Variants in VRK2 observed in about 807,000 individuals in gnomAD.
VRK2 encodes VRK serine/threonine kinase 2.
VRK2 carries 60 observed loss-of-function variants against 57.6 expected under a neutral mutation model. The ratio of observed to expected loss-of-function variants is 1.04; its 90% CI spans 0.85 to 1.29. VRK2 has a LOEUF of 1.29. Ranked by LOEUF, VRK2 falls within the 50% of genes most tolerant of loss-of-function variation. VRK2 has a pLI of 0.00. For synonymous variants in VRK2, 231 were observed against 199.2 expected (o/e 1.16, Z -1.35); for missense variants, 705 against 588.1 (o/e 1.20, Z -2.06).
intron 2 of VRK2, among the ~76,000 whole-genome samples, chr2:58,066,627 G>A (rs1416261384): frequency 1.3e-5 from 2 of 152,124 alleles, no homozygotes; most frequent in East Asian, 1.9e-4. Context: ...TTTTCTGGAA[G>A]TGAGTGTGTA....
At chr2:57,980,726 A>G (rs1441991666) in intron 1 of VRK2, among the ~76,000 whole-genome samples, 1 of 152,230 alleles carries the variant, frequency 6.6e-6, no homozygotes, top group Non-Finnish European at 1.5e-5. Context: ...TGTTGGGTGC[A>G]TATACATTTA....
At chr2:58,030,384 G>C (rs1199289796) in intron 2 of VRK2, among the ~76,000 whole-genome samples, 1 of 151,706 alleles carries the variant, frequency 6.6e-6, no homozygotes, top group Non-Finnish European at 1.5e-5. Context: ...CATAGTTTGG[G>C]GTTTTACATG....
intron 7 of VRK2, among the ~76,000 whole-genome samples, chr2:58,110,719 G>C (rs1214099009): frequency 2.6e-5 from 4 of 152,176 alleles, no homozygotes; most frequent in South Asian, 2.1e-4. Flanking sequence ...AACAGGGAAG[G>C]CTTCCAGAGC....
intron 1 of VRK2, among the ~76,000 whole-genome samples, chr2:57,918,819 T>C (rs547195523): frequency 2.2e-4 from 33 of 152,258 alleles, no homozygotes; most frequent in African/African-American, 3.1e-4. Context: ...GTGTGCTCAA[T>C]TGAAATTCCA....
At chr2:57,949,302 T>C (rs948819525) in intron 1 of VRK2, among the ~76,000 whole-genome samples, 4 of 152,218 alleles carry the variant, frequency 2.6e-5, no homozygotes, top group Non-Finnish European at 2.9e-5. Flanking sequence ...TTTTTATGAA[T>C]TGAAGCTTTG....
At chr2:57,988,765 T>C (rs1002088288) in intron 1 of VRK2, among the ~76,000 whole-genome samples, 1 of 152,200 alleles carries the variant, frequency 6.6e-6, no homozygotes, top group Admixed American at 6.5e-5. Context: ...AGATTTGAAC[T>C]GAATTACCCC....
At chr2:57,990,310 ACAGTT>A in intron 1 of VRK2, among the ~76,000 whole-genome samples, 1 of 152,326 alleles carries the variant, frequency 6.6e-6, no homozygotes, top group South Asian at 2.1e-4. Context: ...TCTCCTTGAC[ACAGTT>A]CAGTCTTTAT....
chr2:58,010,592 G>C (rs532115423), intron 1 of VRK2, among the ~76,000 whole-genome samples: 7 of 152,184 alleles, frequency 4.6e-5, no homozygotes, highest in Admixed American at 4.6e-4. Context: ...TGGAATATAG[G>C]TCTCCATTGG....
chr2:57,957,601 GATATATATACTATATTATATATATTTCT>G (rs1399090437), intron 1 of VRK2, among the ~76,000 whole-genome samples: 1 of 146,128 alleles, frequency 6.8e-6, no homozygotes, highest in Non-Finnish European at 1.5e-5. Context: ...ACTATATGTA[GATATATATACTATATTATATATATTTCT>G]ATATATATAT....
At chr2:58,044,026 C>T (rs1674572514), upstream of VRK2, among the ~76,000 whole-genome samples, 1 of 152,150 alleles carries the variant, frequency 6.6e-6, no homozygotes, top group African/African-American at 2.4e-5. Context: ...TAGGTTTTCT[C>T]TAAAAAGTTT....
At chr2:58,148,354 A>G (rs777132717) in intron 12 of VRK2, among the ~76,000 whole-genome samples, 2 of 151,816 alleles carry the variant, frequency 1.3e-5, no homozygotes, top group South Asian at 2.1e-4. Context: ...CGAGTGTTCT[A>G]ATTTTTATTT....
chr2:58,081,926 A>G (rs1002119029), intron 2 of VRK2, among the ~76,000 whole-genome samples: 2 of 148,726 alleles, frequency 1.3e-5, no homozygotes, highest in African/African-American at 4.9e-5. Flanking sequence ...ACTAGCTATA[A>G]TGGGGCTTGG....
At position 58,146,381 on chromosome 2, in the gene VRK2, A is replaced by G. The variant is rs766309498; in HGVS notation, c.1089A>G (p.Lys363=). Residue 363 remains lysine (K), a synonymous_variant, in exon 12 of 13, where the codon AAA becomes AAG. Transcript: ENST00000340157. ...CACACAATAGGTTAATCGAAAAAAA[A>G]GTCCACAGTGAGAGAAGCGCTGAGT... ...NKAHNRLIEK[K]VHSERSAESC... 51 of 1,611,686 alleles carry G rather than the reference A, an allele frequency of 3.2e-5. No individual in the cohort carries two copies. The Admixed American group carries it at 5.5e-4, about 17-fold the overall frequency.
At chr2:58,088,023 G>C (rs763765368) in intron 5 of VRK2, among the ~76,000 whole-genome samples, 1 of 152,058 alleles carries the variant, frequency 6.6e-6, no homozygotes, top group African/African-American at 2.4e-5. Context: ...TTTGTTCAAG[G>C]CCATATGGCA....
intron 1 of VRK2, among the ~76,000 whole-genome samples, chr2:57,945,542 C>T (rs1671237179): frequency 6.6e-6 from 1 of 152,178 alleles, no homozygotes; most frequent in Admixed American, 6.5e-5. Flanking sequence ...TCTCATCATG[C>T]TATTCACTCT....
chr2:58,029,750 C>T (rs893707560), intron 2 of VRK2, among the ~76,000 whole-genome samples: 2 of 152,084 alleles, frequency 1.3e-5, no homozygotes, highest in Non-Finnish European at 2.9e-5. Flanking sequence ...GTCTAATGAG[C>T]TTCTGGTCTA....
At position 58,084,887 on chromosome 2, in the gene VRK2, C is replaced by T; in HGVS notation, c.193C>T (p.Gln65Ter). Residue 65 changes from glutamine to a stop codon, truncating the protein, a stop_gained, in exon 4 of 13, where the codon CAA becomes TAA. Coordinates refer to ENST00000340157, the MANE Select transcript of VRK2 (RefSeq NM_006296.7). LOFTEE classifies it high-confidence loss of function. Reference sequence around the variant, plus strand: ...ATTATTCTTTTTTTTATAGGAATATCAAGAAAATGGCCCGTTATTTTCAGA... The same window carrying T: ...ATTATTCTTTTTTTTATAGGAATATTAAGAAAATGGCCCGTTATTTTCAGA... ...DARHVVKVEY[Q>*]ENGPLFSELK... 1 of 1,563,960 alleles carries T rather than the reference C, an allele frequency of 6.4e-7. No individual in the cohort carries two copies. The highest frequency in any genetic ancestry group is 8.7e-7 in the Non-Finnish European group (1 of 1,152,142).
intron 1 of VRK2, among the ~76,000 whole-genome samples, chr2:57,998,240 T>C (rs1051799818): frequency 6.6e-6 from 1 of 152,250 alleles, no homozygotes; most frequent in African/African-American, 2.4e-5. Flanking sequence ...TCGTAAATTA[T>C]GAGTATCATG....
chr2:57,932,589 T>C (rs1670764867), intron 1 of VRK2, among the ~76,000 whole-genome samples: 1 of 152,114 alleles, frequency 6.6e-6, no homozygotes, highest in African/African-American at 2.4e-5. Context: ...TCTCTTTTTT[T>C]ACTTAGTCCA....
Sources: gnomAD v4.1 joint callset for allele counts (sites outside exome capture counted in the v4.1 genomes callset) on GRCh38, gnomAD v4.1.1 for gene constraint, MANE v1.5 for transcripts, NCBI Gene and HGNC (gene_info 2026-07-23, HGNC 2026-07-21) for gene names.